The following HECTD4 variants were observed in gnomAD, a reference collection of about 807,000 sequenced individuals.
HECTD4 encodes probable E3 ubiquitin-protein ligase HECTD4.
HECTD4 carries 114 observed loss-of-function variants against 471.5 expected under a neutral mutation model. That is an observed-to-expected ratio of 0.24 (90% CI 0.21 to 0.28). HECTD4 has a LOEUF of 0.28. Ranked by LOEUF, HECTD4 falls within the 10% of genes least tolerant of loss-of-function variation. The probability of loss-of-function intolerance (pLI) is 1.00; values close to 1 mark genes in which losing one functional copy is unlikely to be tolerated. For missense variants in HECTD4, 3,866 were observed against 5,651.5 expected (o/e 0.68, Z 10.13); for synonymous variants, 2,012 against 2,256.0 (o/e 0.89, Z 3.07).
At chr12:112,224,353 C>T (rs541107750) in intron 44 of HECTD4, among the ~76,000 whole-genome samples, 1 of 151,802 alleles carries the variant, frequency 6.6e-6, no homozygotes, top group Non-Finnish European at 1.5e-5. Context: ...GCAAGCTCCA[C>T]CTCCCGGGGT....
chr12:112,212,774 G>T (rs2032799942), intron 48 of HECTD4, 124 bp from the exon 49 acceptor site: 2 of 662,072 alleles, frequency 3.0e-6, no homozygotes, highest in Admixed American at 7.0e-5. Context: ...TTCTGAAATG[G>T]ACATGAAGTT....
chr12:112,293,261 A>T (rs1288082349), intron 7 of HECTD4, among the ~76,000 whole-genome samples: 1 of 149,992 alleles, frequency 6.7e-6, no homozygotes, highest in Non-Finnish European at 1.5e-5. Flanking sequence ...GCTACTCAGG[A>T]GGCTGAGGCA....
At position 112,263,964 on chromosome 12, in the gene HECTD4, C is replaced by G. The variant is rs73207631; in HGVS notation, c.2748+120G>C. The G allele has an allele frequency of 2.0e-3, 1,823 of 928,014 alleles. 1 individual carries two copies. The highest frequency in any genetic ancestry group is 2.4e-3 in the Non-Finnish European group (1,616 of 669,856). 57.5% of individuals were successfully genotyped at this position (928,014 alleles called of 1,614,324 possible). A position where few individuals can be genotyped will look rare whatever the true frequency, so the allele number is the denominator to read the frequency against. ...TATGGAATGAGTGGCCTAATGTTACCTCTCACAAGAATATAAGCCACAAGG... is the reference window on the plus strand; with the variant it reads ...TATGGAATGAGTGGCCTAATGTTACGTCTCACAAGAATATAAGCCACAAGG... On this transcript the variant is annotated intron_variant, in intron 17 of 75. Transcript: ENST00000682272.
At chr12:112,177,377 A>ATTT (rs766400935) in intron 64 of HECTD4, among the ~76,000 whole-genome samples, 11 of 127,268 alleles carry the variant, frequency 8.6e-5, no homozygotes, top group African/African-American at 2.1e-4. Flanking sequence ...TTATGAGGCT[A>ATTT]TTTTTTTTTT....
At chr12:112,352,428 T>C (rs1027512583) in intron 1 of HECTD4, among the ~76,000 whole-genome samples, 3 of 151,264 alleles carry the variant, frequency 2.0e-5, no homozygotes, top group Non-Finnish European at 4.4e-5. Context: ...CTCCGCCTCC[T>C]GGGCTCAAGC....
In HECTD4 at chr12:112,228,316, A is replaced by C; in HGVS notation, c.6685-58T>G. On this transcript the variant is annotated intron_variant, in intron 42 of 75. Transcript: ENST00000682272. The surrounding 1 kb of genome is among the most constrained non-coding windows in gnomAD (Gnocchi z 4.9). ...AAATTCAAGTAGTTAGTTTATAAGAAATGAGGGTGTTATTATTATCTGGAG... is the reference window on the plus strand; with the variant it reads ...AAATTCAAGTAGTTAGTTTATAAGACATGAGGGTGTTATTATTATCTGGAG... 3 of 1,443,130 alleles carry C rather than the reference A, an allele frequency of 2.1e-6. No individual in the cohort carries two copies. The South Asian group carries it at 4.7e-5, about 22-fold the overall frequency. 89.4% of individuals were successfully genotyped at this position (1,443,130 alleles called of 1,614,324 possible). A position where few individuals can be genotyped will look rare whatever the true frequency, so the allele number is the denominator to read the frequency against.
intron 62 of HECTD4, among the ~76,000 whole-genome samples, chr12:112,180,443 G>A (rs1026694488): frequency 1.3e-5 from 2 of 151,846 alleles, no homozygotes; most frequent in African/African-American, 4.8e-5. Flanking sequence ...GCTAAGGCAT[G>A]AGAATCACTT....
intron 1 of HECTD4, among the ~76,000 whole-genome samples, chr12:112,354,389 C>T (rs2036295943): frequency 6.6e-6 from 1 of 152,010 alleles, no homozygotes; most frequent in East Asian, 1.9e-4. Flanking sequence ...GTTTGAAATT[C>T]TTCACCCTGC....
intron 1 of HECTD4, among the ~76,000 whole-genome samples, chr12:112,343,107 T>C (rs776377319): frequency 6.6e-6 from 1 of 152,134 alleles, no homozygotes; most frequent in South Asian, 2.1e-4. Flanking sequence ...CAAAATCACC[T>C]CCAAAGACAT....
chr12:112,192,901 T>G, intron 58 of HECTD4, 136 bp from the exon 59 acceptor site: 1 of 1,211,330 alleles, frequency 8.3e-7, no homozygotes, highest in East Asian at 2.5e-5. Flanking sequence ...GGAAGGTCAT[T>G]CTTTATAGAC....
rs776817413 is a variant in HECTD4, at chr12:112,204,475, G to A, written c.8269+11C>T. 8 of 1,608,778 alleles carry A rather than the reference G, an allele frequency of 5.0e-6. No individual in the cohort carries two copies. Among genetic ancestry groups the A allele is most frequent in the Non-Finnish European group, 6.8e-6 (8 of 1,177,734 alleles). ...GAAATTTCATAGGTCGAGTAAGGAG[G>A]AAAGCAAAACCTTTTCGAACTTTAT... On this transcript the variant is annotated intron_variant, in intron 53 of 75. Coordinates refer to ENST00000682272, the MANE Select transcript of HECTD4 (RefSeq NM_001388303.1).
intron 1 of HECTD4, among the ~76,000 whole-genome samples, chr12:112,341,428 A>G (rs1398361200): frequency 6.6e-6 from 1 of 152,096 alleles, no homozygotes. Context: ...CCCAGTGACT[A>G]CTCAATAAAA....
intron 67 of HECTD4, among the ~76,000 whole-genome samples, chr12:112,172,446 T>C (rs2031261837): frequency 6.6e-6 from 1 of 152,242 alleles, no homozygotes; most frequent in African/African-American, 2.4e-5. Flanking sequence ...TTGTTGTCAC[T>C]GGCATTAAAA....
intron 2 of HECTD4, among the ~76,000 whole-genome samples, chr12:112,315,415 C>A (rs990254588): frequency 7.9e-5 from 12 of 152,140 alleles, no homozygotes. Context: ...CTTTCACTAT[C>A]TCTAGTTTCA....
chr12:112,376,732 G>T (rs1288539369), intron 1 of HECTD4, among the ~76,000 whole-genome samples: 1 of 152,154 alleles, frequency 6.6e-6, no homozygotes, highest in East Asian at 1.9e-4. Context: ...TGTATGGGAT[G>T]TTCTTTCCCA....
At chr12:112,367,307 AAAGAAAGAAAGAAAGAAAG>A (rs1447018827) in intron 1 of HECTD4, among the ~76,000 whole-genome samples, 35 of 10,700 alleles carry the variant, frequency 3.3e-3, no homozygotes, top group African/African-American at 6.3e-3. Flanking sequence ...TCAAAAAAAA[AAAGAAAGAAAGAAAGAAAG>A]AAAGAAAGAA....
At chr12:112,176,804 CT>C in intron 64 of HECTD4, 102 bp from the exon 65 acceptor site, 1 of 886,664 alleles carries the variant, frequency 1.1e-6, no homozygotes, top group Non-Finnish European at 1.8e-6. Context: ...CCTCCTCCAA[CT>C]TAGGGCTTAG....
At chr12:112,164,387 G>T in intron 72 of HECTD4, 112 bp from the exon 73 acceptor site, 2 of 1,096,216 alleles carry the variant, frequency 1.8e-6, no homozygotes, top group Non-Finnish European at 2.6e-6. Flanking sequence ...ACCCTCGGCC[G>T]TGTAGATGAG....
At chr12:112,321,017 T>C (rs1157919831) in intron 1 of HECTD4, among the ~76,000 whole-genome samples, 2 of 152,278 alleles carry the variant, frequency 1.3e-5, no homozygotes, top group East Asian at 3.9e-4. Flanking sequence ...CTAATTTTTG[T>C]ATTTTTAGTA....
Sources: allele counts gnomAD v4.1 joint callset (sites outside exome capture counted in the v4.1 genomes callset), GRCh38; gene constraint gnomAD v4.1.1; non-coding constraint Gnocchi (gnomAD v3.1); transcripts MANE v1.5; gene names NCBI Gene and HGNC (gene_info 2026-07-23, HGNC 2026-07-21).